PROP1: variants seen among roughly 807,000 people sequenced by gnomAD.
PROP1 encodes PROP paired-like homeobox 1.
In PROP1, 12 loss-of-function variants were observed where a neutral mutation model predicts 22.3. That is an observed-to-expected ratio of 0.54 (90% confidence interval 0.34 to 0.87). PROP1 has a LOEUF of 0.87. Among genes scored for constraint, PROP1 ranks in the 40% least tolerant of loss-of-function variants. The pLI, the probability that PROP1 is intolerant of heterozygous loss-of-function variation, is 0.01. For synonymous variants in PROP1, 112 were observed against 116.7 expected, an observed-to-expected ratio of 0.96 and a Z score of 0.26; for missense variants, 278 against 295.1, an observed-to-expected ratio of 0.94 and a Z score of 0.43.
chr5:177,992,760 T>TGGGGGGGAGGAGGGGGGGGGGG lies in PROP1; in HGVS notation c.629_630insCCCCCCCCCCCTCCTCCCCCCC (p.Met214LeufsTer14). 3.7e-6 allele frequency: 1 copy of TGGGGGGGAGGAGGGGGGGGGGG among 270,480 alleles called. No individual in the cohort carries two copies. The highest frequency in any genetic ancestry group is 6.0e-5 in the Admixed American group (1 of 16,648). The allele number at this position is 270,480 out of a possible 1,614,324, so 16.8% of individuals were successfully genotyped here. ...GGCTGAGGGGGAGCATGGGAGGGGG[T>TGGGGGGGAGGAGGGGGGGGGGG]GGGGGGCAGGGCAGATGGCCGGCAG... On this transcript the variant is annotated frameshift_variant, in exon 3 of 3. Coordinates refer to ENST00000308304, the MANE Select transcript of PROP1 (RefSeq NM_006261.5). LOFTEE classifies it high-confidence loss of function.
At chr5:177,993,997 G>A in intron 2 of PROP1, 109 bp downstream of exon 2, 5 of 1,142,220 alleles carry the variant, frequency 4.4e-6, no homozygotes, top group Non-Finnish European at 5.3e-6. Context: ...GTGAGATGAG[G>A]CCTGTGTCTG....
At chr5:177,994,750 G>T (rs73807329) in intron 1 of PROP1, among the ~76,000 whole-genome samples, 1 of 151,974 alleles carries the variant, frequency 6.6e-6, no homozygotes, top group Non-Finnish European at 1.5e-5. Context: ...CTGCCCCACC[G>T]GGAATCTTTT....
chr5:177,995,415 A>G (rs1755739683), intron 1 of PROP1, among the ~76,000 whole-genome samples: 2 of 151,930 alleles, frequency 1.3e-5, no homozygotes, highest in Admixed American at 6.6e-5. Context: ...ATGGGGCCCA[A>G]GGGCGTGGAC....
Position 177,995,813 on chromosome 5 carries a change from A to C in PROP1, c.109+12T>G. On this transcript the variant is annotated intron_variant, in intron 1 of 2. Coordinates refer to ENST00000308304, the MANE Select transcript of PROP1 (RefSeq NM_006261.5). ...TCCTCAGGGACCCACGCACACCGGG[A>C]CGGTCACTCACCCACCGTGGTGGTC... 1.2e-6 allele frequency: 2 copies of C among 1,607,096 alleles called. No individual in the cohort carries two copies. The highest frequency in any genetic ancestry group is 1.7e-6 in the Non-Finnish European group (2 of 1,174,550).
At chr5:177,993,080 C>A in intron 2 of PROP1, 33 bp from the exon 3 acceptor site, 5 of 1,579,502 alleles carry the variant, frequency 3.2e-6, no homozygotes, top group Non-Finnish European at 4.3e-6. Flanking sequence ...TCAGAGCCCA[C>A]ACTTGACATA....
intron 2 of PROP1, among the ~76,000 whole-genome samples, chr5:177,993,871 T>A (rs1005811643): frequency 1.3e-5 from 2 of 152,156 alleles, no homozygotes; most frequent in Non-Finnish European, 2.9e-5. Context: ...CCAGCCGGAA[T>A]TGGCATCACT....
Position 177,993,375 on chromosome 5 carries a change from G to T in PROP1, c.343-328C>A, listed in dbSNP as rs547193111. ...CCCTAGGGTTAAGTTTAACGATTAA[G>T]ACTGTAGATAAATGTAATTGCTATA... On this transcript the variant is annotated intron_variant, in intron 2 of 2. Transcript: ENST00000308304. 5.3e-5 allele frequency among the ~76,000 whole-genome samples: 8 copies of T among 152,304 alleles called. No individual in the cohort carries two copies. In the East Asian group the frequency reaches 9.6e-4, roughly 18 times the overall value.
chr5:177,993,164 G>A, intron 2 of PROP1, 117 bp from the exon 3 acceptor site: 1 of 888,320 alleles, frequency 1.1e-6, no homozygotes, highest in Non-Finnish European at 1.8e-6. Context: ...GCCAGAGGGA[G>A]TAAAGCTCTT....
intron 1 of PROP1, 118 bp from the exon 2 acceptor site, chr5:177,994,456 G>C (rs1207225952): frequency 1.2e-6 from 1 of 846,232 alleles, no homozygotes; most frequent in Non-Finnish European, 1.8e-6. Context: ...GTCTTTTTTT[G>C]AGACAGAGTC....
Position 177,995,814 on chromosome 5 carries a change from C to T in PROP1, c.109+11G>A, listed in dbSNP as rs547296640. ...CCTCAGGGACCCACGCACACCGGGA[C>T]GGTCACTCACCCACCGTGGTGGTCG... On this transcript the variant is annotated intron_variant, in intron 1 of 2. Coordinates refer to ENST00000308304, the MANE Select transcript of PROP1 (RefSeq NM_006261.5). 2.4e-4 allele frequency: 392 copies of T among 1,607,286 alleles called. 1 individual carries two copies. In the South Asian group the frequency reaches 2.7e-3, roughly 11 times the overall value.
In PROP1 at chr5:177,995,998, C is replaced by T; in HGVS notation, c.-65G>A. ...TGAGATTTCTCTGCTTCCGCAGCTC[C>T]TCTCCACACCTGTTCCCTCCCCTTC... On this transcript the variant is annotated 5_prime_UTR_variant, in exon 1 of 3. Coordinates refer to ENST00000308304, the MANE Select transcript of PROP1 (RefSeq NM_006261.5). 1.5e-6 allele frequency: 2 copies of T among 1,375,228 alleles called. No individual in the cohort carries two copies. The highest frequency in any genetic ancestry group is 2.3e-5 in the South Asian group (2 of 85,356). The allele number at this position is 1,375,228 out of a possible 1,614,324, so 85.2% of individuals were successfully genotyped here.
chr5:177,995,362 G>A (rs4498267), intron 1 of PROP1, among the ~76,000 whole-genome samples: 12,394 of 152,106 alleles, frequency 0.081, 727 homozygotes, highest in Middle Eastern at 0.2. Context: ...CACCTGGAAG[G>A]CGCACACCAA....
chr5:177,994,316 T>A lies in PROP1; in HGVS notation c.132A>T (p.Arg44Ser). 1 of 1,606,746 alleles carries A rather than the reference T, an allele frequency of 6.2e-7. No individual in the cohort carries two copies. Among genetic ancestry groups the A allele is most frequent in the Non-Finnish European group, 8.5e-7 (1 of 1,176,126 alleles). The change falls in exon 2 of 3, where the codon AGA (arginine) becomes AGT (serine). Residue 44 changes from arginine (R) to serine (S), a missense_variant. By Grantham distance (110) the Arg-to-Ser change is moderately radical. Coordinates refer to ENST00000308304, the MANE Select transcript of PROP1 (RefSeq NM_006261.5). ...TTVDSSAPPC[R>S]RLPGAGGGRS... ...TCCCCCCTCCTGCACCAGGGAGCCT[T>A]CTGCAGGGTGGAGCACTCGAGTCTG...
intron 2 of PROP1, among the ~76,000 whole-genome samples, chr5:177,993,380 T>C (rs904022568): frequency 2.0e-5 from 3 of 152,166 alleles, no homozygotes; most frequent in Non-Finnish European, 4.4e-5. Flanking sequence ...ATTAAGACTG[T>C]AGATAAATGT....
At chr5:177,994,979 A>G (rs1380802704) in intron 1 of PROP1, among the ~76,000 whole-genome samples, 1 of 152,048 alleles carries the variant, frequency 6.6e-6, no homozygotes, top group Non-Finnish European at 1.5e-5. Context: ...TTCTGGACAC[A>G]CACGACCACC....
chr5:177,994,405 C>A, intron 1 of PROP1, 67 bp from the exon 2 acceptor site: 1 of 1,380,246 alleles, frequency 7.2e-7, no homozygotes, highest in Non-Finnish European at 9.9e-7. Flanking sequence ...ACCACATGTG[C>A]CTGTCCCGGG....
rs763181046 is a variant in PROP1, at chr5:177,995,808, C to T, written c.109+17G>A. The T allele has an allele frequency of 1.9e-6, 3 of 1,604,826 alleles. No individual in the cohort carries two copies. Among genetic ancestry groups the T allele is most frequent in the Non-Finnish European group, 1.7e-6 (2 of 1,172,666 alleles). On this transcript the variant is annotated intron_variant, in intron 1 of 2. Transcript: ENST00000308304. ...CTGCCTCCTCAGGGACCCACGCACA[C>T]CGGGACGGTCACTCACCCACCGTGG... is the stretch of plus-strand genomic sequence containing the variant.
chr5:177,994,114 G>C lies in PROP1; in HGVS notation c.334C>G (p.Arg112Gly), dbSNP rs766673446. Residue 112 changes from arginine (R) to glycine (G), a missense_variant, in exon 2 of 3, where the codon CGA becomes GGA. Physicochemically the swap from Arg to Gly is moderately radical, Grantham distance 125. Transcript: ENST00000308304. Reference sequence around the variant, plus strand: ...GGATCCTGGAGCATCACCTGGATTCGGGCCTCACTGAGGCCAGTGTCCCGG... The same window carrying C: ...GGATCCTGGAGCATCACCTGGATTCCGGCCTCACTGAGGCCAGTGTCCCGG... ...LARDTGLSEA[R>G]IQVWFQNRRA... 1.2e-6 allele frequency: 2 copies of C among 1,613,776 alleles called. No individual in the cohort carries two copies. Among genetic ancestry groups the C allele is most frequent in the South Asian group, 1.1e-5 (1 of 91,070 alleles).
intron 1 of PROP1, among the ~76,000 whole-genome samples, chr5:177,994,891 C>G (rs1326719292): frequency 6.6e-6 from 1 of 151,858 alleles, no homozygotes; most frequent in Non-Finnish European, 1.5e-5. Context: ...CACTCATGCA[C>G]TGTCTACCTG....
Sources: gnomAD v4.1 joint callset for allele counts (sites outside exome capture counted in the v4.1 genomes callset) on GRCh38, gnomAD v4.1.1 for gene constraint, MANE v1.5 for transcripts, NCBI Gene and HGNC (gene_info 2026-07-23, HGNC 2026-07-21) for gene names.